MEMO1: variants seen among roughly 807,000 people sequenced by gnomAD.
MEMO1 encodes mediator of cell motility 1.
In MEMO1, 6 loss-of-function variants were observed where a neutral mutation model predicts 45.2. The observed-to-expected ratio is 0.13, with a 90% CI of 0.07 to 0.26. The LOEUF is 0.26. Ranked by LOEUF, MEMO1 falls within the 10% of genes least tolerant of loss-of-function variation. The probability of loss-of-function intolerance (pLI) is 1.00; values close to 1 mark genes in which losing one functional copy is unlikely to be tolerated. For synonymous variants in MEMO1, 78 were observed against 124.3 expected (o/e 0.63, Z 2.48); for missense variants, 184 against 370.5 (o/e 0.50, Z 4.13).
chr2:31,868,780 TA>T (rs1403562792), intron 9 of MEMO1, among the ~76,000 whole-genome samples: 4 of 152,226 alleles, frequency 2.6e-5, no homozygotes, highest in Non-Finnish European at 4.4e-5. Flanking sequence ...TTTAACTTTT[TA>T]AATATATTTC....
chr2:31,981,428 A>G (rs1670625438), intron 2 of MEMO1, among the ~76,000 whole-genome samples: 1 of 152,210 alleles, frequency 6.6e-6, no homozygotes, highest in South Asian at 2.1e-4. Context: ...TAAACAATAT[A>G]TTATCTGACT....
At position 31,924,254 on chromosome 2, in the gene MEMO1, TA is replaced by T. The variant is rs377563485; in HGVS notation, c.213-3345del. On this transcript the variant is annotated intron_variant, in intron 4 of 9. Coordinates refer to ENST00000404530, the MANE Select transcript of MEMO1 (RefSeq NM_001301833.4). ...AACAAAAAAAATGAATAGTGTACAT[TA>T]AAGTTCATGCATTTTCTTTGTTAGA... Among the ~76,000 whole-genome samples, 105 of 152,190 alleles carry T rather than the reference TA, an allele frequency of 6.9e-4. 2 individuals carry two copies. In the South Asian group the frequency reaches 0.022, roughly 31 times the overall value.
At chr2:31,972,246 G>A (rs2148465456) in intron 2 of MEMO1, among the ~76,000 whole-genome samples, 1 of 152,228 alleles carries the variant, frequency 6.6e-6, no homozygotes, top group African/African-American at 2.4e-5. Context: ...TTTGGATGTT[G>A]TATTACTCAT....
intron 3 of MEMO1, 129 bp downstream of exon 3, chr2:31,943,173 G>A (rs1665808618): frequency 4.2e-6 from 3 of 714,844 alleles, no homozygotes; most frequent in South Asian, 3.2e-5. Context: ...GTTGAGGCAG[G>A]AGAGTCGCTT....
rs1485143956 is a variant in MEMO1, at chr2:31,882,308, C to T, written c.657+1078G>A. 2.6e-5 allele frequency among the ~76,000 whole-genome samples: 4 copies of T among 151,944 alleles called. No homozygotes were observed. The East Asian group carries it at 7.7e-4, about 29-fold the overall frequency. ...CTCCAGCCTCAGTAACGGAATGAGT[C>T]CCTGTCTCTTAAAAAAAGGAAAAAA... On this transcript the variant is annotated intron_variant, in intron 8 of 9. Transcript: ENST00000404530.
chr2:31,999,881 CA>C (rs1272354278), intron 2 of MEMO1, among the ~76,000 whole-genome samples: 161 of 142,250 alleles, frequency 1.1e-3, no homozygotes, highest in Non-Finnish European at 1.6e-3. Context: ...CTGCATCAGG[CA>C]TTTTTTTTTT....
intron 6 of MEMO1, among the ~76,000 whole-genome samples, chr2:31,906,411 C>T (rs34617455): frequency 0.12 from 18,641 of 151,940 alleles, 1,244 homozygotes; most frequent in Middle Eastern, 0.2. Context: ...GCAACCTCCG[C>T]CTCCCAAGTT....
intron 2 of MEMO1, among the ~76,000 whole-genome samples, chr2:31,991,870 T>C (rs932893366): frequency 5.9e-5 from 9 of 152,078 alleles, no homozygotes; most frequent in Admixed American, 5.2e-4. Context: ...GAATCCATCA[T>C]CTATAGAAAA....
chr2:31,986,423 G>A (rs1463724787), intron 2 of MEMO1, among the ~76,000 whole-genome samples: 1 of 152,124 alleles, frequency 6.6e-6, no homozygotes, highest in Non-Finnish European at 1.5e-5. Context: ...AGTGAGCCGA[G>A]GTTGCGCCAC....
intron 6 of MEMO1, among the ~76,000 whole-genome samples, chr2:31,907,141 C>T (rs1042984381): frequency 1.4e-4 from 22 of 152,122 alleles, no homozygotes; most frequent in African/African-American, 4.3e-4. Flanking sequence ...ACTGCAGGCA[C>T]CTTCAAAATC....
At chr2:31,935,716 A>C (rs1021296994) in intron 3 of MEMO1, among the ~76,000 whole-genome samples, 5 of 152,204 alleles carry the variant, frequency 3.3e-5, no homozygotes, top group Non-Finnish European at 7.3e-5. Flanking sequence ...AATGACAATC[A>C]AATCACACTA....
intron 8 of MEMO1, among the ~76,000 whole-genome samples, chr2:31,874,844 T>C (rs1032525282): frequency 9.9e-5 from 15 of 151,904 alleles, no homozygotes; most frequent in African/African-American, 3.1e-4. Flanking sequence ...AAAATAAATA[T>C]GCAAAAGTAC....
intron 6 of MEMO1, among the ~76,000 whole-genome samples, chr2:31,895,837 CTT>C (rs71412853): frequency 0.014 from 1,222 of 84,468 alleles, 3 homozygotes; most frequent in African/African-American, 0.056. Flanking sequence ...AGAAAAAAAT[CTT>C]TTTTTTTTTT....
intron 2 of MEMO1, among the ~76,000 whole-genome samples, chr2:31,959,996 CG>C (rs1412864053): frequency 6.6e-6 from 1 of 152,090 alleles, no homozygotes; most frequent in African/African-American, 2.4e-5. Context: ...CCCAGGAGGG[CG>C]GATCACTTGA....
rs547614448 is a variant in MEMO1 at position 32,002,401 on chromosome 2, T to C, written c.61+7786A>G. 3.8e-4 allele frequency among the ~76,000 whole-genome samples: 57 copies of C among 150,472 alleles called. 2 individuals carry two copies. The South Asian group carries it at 8.3e-3, about 22-fold the overall frequency. On this transcript the variant is annotated intron_variant, in intron 2 of 9. Transcript: ENST00000404530. ...ATAAGCCACAATATACATATATATA[T>C]AATATACATGTATGAGTTAAATAAT...
intron 2 of MEMO1, among the ~76,000 whole-genome samples, chr2:31,980,459 A>AT (rs920685751): frequency 2.6e-5 from 4 of 151,996 alleles, no homozygotes; most frequent in African/African-American, 7.3e-5. Context: ...TAATTTTTAG[A>AT]TTTTTTTTAT....
At chr2:31,962,813 G>T (rs1356492080) in intron 2 of MEMO1, among the ~76,000 whole-genome samples, 1 of 152,120 alleles carries the variant, frequency 6.6e-6, no homozygotes, top group African/African-American at 2.4e-5. Context: ...TGGACCAGAG[G>T]GTGCCCAGAC....
chr2:31,943,251 G>A lies in MEMO1; in HGVS notation c.143+51C>T, dbSNP rs763356700. On this transcript the variant is annotated intron_variant, in intron 3 of 9. Transcript: ENST00000404530. ...CTGTACTTCAGCCTGGGCGACACAG[G>A]GAGACTCCTTCTCAAAAAACAAAAC... 2.6e-5 allele frequency: 35 copies of A among 1,362,472 alleles called. No individual in the cohort carries two copies. The Admixed American group carries it at 5.5e-4, about 22-fold the overall frequency. 84.4% of individuals were successfully genotyped at this position (1,362,472 alleles called of 1,614,324 possible).
At chr2:31,907,372 T>A (rs1305460183) in intron 6 of MEMO1, among the ~76,000 whole-genome samples, 1 of 152,250 alleles carries the variant, frequency 6.6e-6, no homozygotes, top group East Asian at 1.9e-4. Flanking sequence ...GTATTCTCCA[T>A]CCTTAAACAT....
Sources: allele counts gnomAD v4.1 joint callset (sites outside exome capture counted in the v4.1 genomes callset), GRCh38; gene constraint gnomAD v4.1.1; transcripts MANE v1.5; gene names NCBI Gene and HGNC (gene_info 2026-07-23, HGNC 2026-07-21).